NOTCH3: variants seen among roughly 807,000 people sequenced by gnomAD.
NOTCH3 encodes the protein neurogenic locus notch homolog protein 3.
A neutral mutation model predicts 213.3 loss-of-function variants in NOTCH3; 86 were observed. The ratio of observed to expected loss-of-function variants is 0.40; its 90% CI spans 0.34 to 0.48. The LOEUF is 0.48. Ranked by LOEUF, NOTCH3 falls within the 20% of genes least tolerant of loss-of-function variation. NOTCH3 has a pLI of 0.57. For missense variants in NOTCH3, 2,783 were observed against 3,272.6 expected (o/e 0.85, Z 3.65); for synonymous variants, 1,354 against 1,355.9 (o/e 1.00, Z 0.03).
chr19:15,191,426 G>C lies in NOTCH3; in HGVS notation c.1034C>G (p.Thr345Ser). The change falls in exon 6 of 33, where the codon ACT (threonine) becomes AGT (serine). Residue 345 changes from threonine (T) to serine (S), a missense_variant and splice_region_variant. Thr to Ser is a moderately conservative substitution (Grantham distance 58). Coordinates refer to ENST00000263388, the MANE Select transcript of NOTCH3 (RefSeq NM_000435.3). Reference sequence around the variant, plus strand: ...CTGCAGAGAAAACGGCCACTCACCAGTCTTGCCCATGGGGCAGGCACAGTA... The same window carrying C: ...CTGCAGAGAAAACGGCCACTCACCACTCTTGCCCATGGGGCAGGCACAGTA... ...SFYCACPMGKTGLLCHLDDAC... is the reference protein window; with the variant it reads ...SFYCACPMGKSGLLCHLDDAC... 6.2e-7 allele frequency: 1 copy of C among 1,612,926 alleles called. No homozygotes were observed. Among genetic ancestry groups the C allele is most frequent in the South Asian group, 1.1e-5 (1 of 91,060 alleles).
Position 15,161,598 on chromosome 19 carries a change from G to T in NOTCH3, c.6030C>A (p.Asp2010Glu). 6.2e-7 allele frequency: 1 copy of T among 1,612,338 alleles called. No homozygotes were observed. Among genetic ancestry groups the T allele is most frequent in the Non-Finnish European group, 8.5e-7 (1 of 1,179,388 alleles). The change falls in exon 33 of 33, where the codon GAC (aspartate) becomes GAA (glutamate). Residue 2010 changes from aspartate (D) to glutamate (E), a missense_variant. By Grantham distance (45) the Asp-to-Glu change is conservative. This residue lies in a region of NOTCH3 where 441 missense variants were observed against 432.1 expected (regional missense o/e 1.02). Coordinates refer to ENST00000263388, the MANE Select transcript of NOTCH3 (RefSeq NM_000435.3). ...CCTGGTGCAGTCTCTCCTGGGCTAC[G>T]TCCCGCGGCAGCCTGTCCAGGTGGT... is the stretch of plus-strand genomic sequence containing the variant. ...ITDHLDRLPR[D>E]VAQERLHQDI...
rs370422650 is a variant in NOTCH3, at chr19:15,181,630, G to A, written c.2738C>T (p.Pro913Leu). The change falls in exon 17 of 33, where the codon CCG becomes CTG. Residue 913 changes from proline to leucine, a missense_variant. By Grantham distance (98) the Pro-to-Leu change is moderately conservative. This residue lies in a region of NOTCH3 where 861 missense variants were observed against 909.1 expected (regional missense o/e 0.95). Transcript: ENST00000263388. Reference protein sequence around the residue: ...DHVASFTCTCPPGYGGFHCEQ... With the variant: ...DHVASFTCTCLPGYGGFHCEQ... ...GCAGTGGAAGCCTCCGTAGCCTGGC[G>A]GGCAGGTGCAGGTGAAGGAGGCCAC... is the stretch of plus-strand genomic sequence containing the variant. 2.5e-4 allele frequency: 391 copies of A among 1,551,268 alleles called. No individual in the cohort carries two copies. The highest frequency in any genetic ancestry group is 3.0e-4 in the Non-Finnish European group (346 of 1,147,236).
In NOTCH3 at chr19:15,165,440, G is replaced by A. The variant is rs752426825; in HGVS notation, c.5743C>T (p.Arg1915Cys). 2.5e-6 allele frequency: 4 copies of A among 1,612,366 alleles called. No individual in the cohort carries two copies. Among genetic ancestry groups the A allele is most frequent in the South Asian group, 1.1e-5 (1 of 91,082 alleles). The change falls in exon 31 of 33, where the codon CGC becomes TGC. Residue 1915 changes from arginine (R) to cysteine (C), a missense_variant. By Grantham distance (180) the Arg-to-Cys change is radical (BLOSUM62 -3). This residue lies in a region of NOTCH3 where 636 missense variants were observed against 801.8 expected (regional missense o/e 0.79). Coordinates refer to ENST00000263388, the MANE Select transcript of NOTCH3 (RefSeq NM_000435.3). The surrounding 1 kb of genome is among the most constrained non-coding windows in gnomAD (Gnocchi z 4.7). ...TCCACCATGCCCTCTACTGCCAGGC[G>A]GGCCGCCAGGATCAGTGCCGTTGAG... The part of the protein sequence containing the change: ...DGSTALILAA[R>C]LAVEGMVEEL...
chr19:15,191,436 T>C lies in NOTCH3; in HGVS notation c.1024A>G (p.Met342Val), dbSNP rs373870097. Residue 342 changes from methionine to valine, a missense_variant, in exon 6 of 33, where the codon ATG (methionine) becomes GTG (valine). Met to Val is a conservative substitution (Grantham distance 21, BLOSUM62 1). Transcript: ENST00000263388. ...RVASFYCACP[M>V]GKTGLLCHLD... The stretch of plus-strand genomic sequence containing the variant: ...AACGGCCACTCACCAGTCTTGCCCA[T>C]GGGGCAGGCACAGTAGAAAGAAGCC... 9.3e-6 allele frequency: 15 copies of C among 1,613,192 alleles called. No individual in the cohort carries two copies. The highest frequency in any genetic ancestry group is 1.7e-5 in the Admixed American group (1 of 59,992).
rs1555727944 is a variant in NOTCH3, at chr19:15,180,812, C to T, written c.3011G>A (p.Cys1004Tyr). The change falls in exon 19 of 33, where the codon TGC becomes TAC. Residue 1004 changes from cysteine (C) to tyrosine (Y), a missense_variant. Around this residue, in one of 6 missense-constraint regions of NOTCH3, gnomAD observed 861 missense variants for 909.1 expected, o/e 0.95. Coordinates refer to ENST00000263388, the MANE Select transcript of NOTCH3 (RefSeq NM_000435.3). ...CCCGTTTTGACAAGGCTGGCGGCTGCACCAATCCACCAGCGTCTGGAGGGG... is the reference window on the plus strand; with the variant it reads ...CCCGTTTTGACAAGGCTGGCGGCTGTACCAATCCACCAGCGTCTGGAGGGG... ...GPQCQTLVDW[C>Y]SRQPCQNGGR... 6.2e-7 allele frequency: 1 copy of T among 1,611,954 alleles called. No individual in the cohort carries two copies. Among genetic ancestry groups the T allele is most frequent in the Admixed American group, 1.7e-5 (1 of 59,726 alleles).
In NOTCH3 at chr19:15,173,784, G is replaced by GAGA. The variant is rs1245899990; in HGVS notation, c.4736+281_4736+283dup. 1.2e-4 allele frequency among the ~76,000 whole-genome samples: 17 copies of GAGA among 146,638 alleles called. 1 individual carries two copies. Among genetic ancestry groups the GAGA allele is most frequent in the South Asian group, 6.5e-4 (3 of 4,650 alleles). ...GGAGAAGGAGAAGGAGAAGGAGAAG[G>GAGA]AGAAGAAGAAGAAGAAGAAGAAAAA... On this transcript the variant is annotated intron_variant, in intron 25 of 32. Transcript: ENST00000263388.
At chr19:15,175,427 G>C (rs1369351902) in intron 24 of NOTCH3, among the ~76,000 whole-genome samples, 1 of 149,806 alleles carries the variant, frequency 6.7e-6, no homozygotes, top group African/African-American at 2.5e-5. Flanking sequence ...CCAGCTACTC[G>C]GGAAGCTGAG....
intron 31 of NOTCH3, among the ~76,000 whole-genome samples, chr19:15,164,554 T>A (rs8107054): frequency 0.62 from 73,946 of 118,934 alleles, 23,867 homozygotes; most frequent in African/African-American, 0.73. Context: ...AAAAAAAAAT[T>A]AAAAAAAGGG....
Position 15,161,323 on chromosome 19 carries a change from A to G in NOTCH3, c.6305T>C (p.Val2102Ala). The G allele has an allele frequency of 6.6e-7, 1 of 1,525,828 alleles. No individual in the cohort carries two copies. Among genetic ancestry groups the G allele is most frequent in the Non-Finnish European group, 8.8e-7 (1 of 1,138,772 alleles). The allele number at this position is 1,525,828 out of a possible 1,614,324, so 94.5% of individuals were successfully genotyped here. The change falls in exon 33 of 33, where the codon GTG becomes GCG. Residue 2102 changes from valine to alanine, a missense_variant. Val to Ala is a moderately conservative substitution (Grantham distance 64). Around this residue, in one of 6 missense-constraint regions of NOTCH3, gnomAD observed 441 missense variants for 432.1 expected, o/e 1.02. Transcript: ENST00000263388. ...LADSSVTLSPVDSLDSPRPFG... is the reference protein window; with the variant it reads ...LADSSVTLSPADSLDSPRPFG... Reference sequence around the variant, plus strand: ...AGGCCGCGGGGAGTCCAGCGAGTCCACGGGCGACAGCGTGACCGAGCTGTC... The same window carrying G: ...AGGCCGCGGGGAGTCCAGCGAGTCCGCGGGCGACAGCGTGACCGAGCTGTC...
At chr19:15,184,867 G>A (rs1381223265) in intron 15 of NOTCH3, 39 bp downstream of exon 15, 1 of 1,133,800 alleles carries the variant, frequency 8.8e-7, no homozygotes, top group East Asian at 2.6e-5. Flanking sequence ...GGGGGCAGAG[G>A]AGATGGAGAG....
In NOTCH3 at chr19:15,174,096, G is replaced by A. The variant is rs551991530; in HGVS notation, c.4708C>T (p.Arg1570Cys). 1.3e-5 allele frequency: 20 copies of A among 1,590,126 alleles called. No homozygotes were observed. The highest frequency in any genetic ancestry group is 2.7e-5 in the African/African-American group (2 of 74,438). The part of the protein sequence containing the change: ...RPSPGSEPRA[R>C]RELAPEVIGS... ...ATCACCTCGGGGGCCAGCTCCCGAC[G>A]GGCCCGGGGTTCGGAGCCAGGACTA... is the stretch of plus-strand genomic sequence containing the variant. Residue 1570 changes from arginine (R) to cysteine (C), a missense_variant, in exon 25 of 33, where the codon CGT becomes TGT. Arg to Cys is a radical substitution (Grantham distance 180, BLOSUM62 -3). Around this residue, in one of 6 missense-constraint regions of NOTCH3, gnomAD observed 636 missense variants for 801.8 expected, o/e 0.79. Coordinates refer to ENST00000263388, the MANE Select transcript of NOTCH3 (RefSeq NM_000435.3).
chr19:15,197,450 C>CCCCCCCCCCCCCCAA, intron 2 of NOTCH3, 50 bp downstream of exon 2: 1 of 890,776 alleles, frequency 1.1e-6, no homozygotes, highest in Non-Finnish European at 1.9e-6. Context: ...CGCCCCTCCC[C>CCCCCCCCCCCCCCAA]CCCGCCCCCA....
rs1424598209 is a variant in NOTCH3, at chr19:15,187,997, G to A, written c.1493-3C>T. Reference sequence around the variant, plus strand: ...CTGACACGTGGAGCCGCTGAAGCCTGGGGTGGGGAGTGGGATGAGCAGAGG... The same window carrying A: ...CTGACACGTGGAGCCGCTGAAGCCTAGGGTGGGGAGTGGGATGAGCAGAGG... On this transcript the variant is annotated splice_polypyrimidine_tract_variant and splice_region_variant and intron_variant, in intron 9 of 32. Transcript: ENST00000263388. The A allele has an allele frequency of 9.0e-6, 14 of 1,550,156 alleles. No individual in the cohort carries two copies. The highest frequency in any genetic ancestry group is 2.7e-5 in the African/African-American group (2 of 73,042).
Position 15,185,345 on chromosome 19 carries a change from G to T in NOTCH3, c.2208C>A (p.Asp736Glu). 1.2e-6 allele frequency: 2 copies of T among 1,612,560 alleles called. No individual in the cohort carries two copies. The highest frequency in any genetic ancestry group is 2.2e-5 in the East Asian group (1 of 44,840). The change falls in exon 14 of 33, where the codon GAC becomes GAA. Residue 736 changes from aspartate (D) to glutamate (E), a missense_variant. By Grantham distance (45) the Asp-to-Glu change is conservative. Around this residue, in one of 6 missense-constraint regions of NOTCH3, gnomAD observed 861 missense variants for 909.1 expected, o/e 0.95. Transcript: ENST00000263388. The surrounding 1 kb of genome is among the most constrained non-coding windows in gnomAD (Gnocchi z 4.2). The part of the protein sequence containing the change: ...GPRCSQSLAR[D>E]ACESQPCRAG... ...CCCTGCACGGCTGGGACTCACAGGCGTCTCGGGCCAGGCTCTGGCTGCAGC... is the reference window on the plus strand; with the variant it reads ...CCCTGCACGGCTGGGACTCACAGGCTTCTCGGGCCAGGCTCTGGCTGCAGC...
At chr19:15,167,207 A>G in intron 29 of NOTCH3, 42 bp downstream of exon 29, 1 of 1,597,156 alleles carries the variant, frequency 6.3e-7, no homozygotes, top group Non-Finnish European at 8.6e-7. Flanking sequence ...CACAGGTAGG[A>G]TGGGTGAGGG....
chr19:15,169,008 G>C (rs113697518), intron 28 of NOTCH3, among the ~76,000 whole-genome samples: 1,984 of 152,070 alleles, frequency 0.013, 17 homozygotes, highest in Non-Finnish European at 0.019. Context: ...CCAACTCCTG[G>C]ACTCAAGTGA....
chr19:15,188,126 T>C (rs935779524), intron 9 of NOTCH3, 109 bp downstream of exon 9: 102 of 1,054,960 alleles, frequency 9.7e-5, no homozygotes, highest in Non-Finnish European at 1.4e-4. Context: ...TCATAACATA[T>C]GGTTTCTATT....
chr19:15,166,676 G>A (rs1223521786), intron 29 of NOTCH3, among the ~76,000 whole-genome samples: 2 of 152,148 alleles, frequency 1.3e-5, no homozygotes, highest in Non-Finnish European at 2.9e-5. Flanking sequence ...GGATCTAAGA[G>A]GATCAAACAA....
chr19:15,169,974 T>C lies in NOTCH3; in HGVS notation c.5199+112A>G, dbSNP rs555598758. The C allele has an allele frequency of 1.4e-4, 97 of 673,464 alleles. 3 individuals carry two copies. In the South Asian group the frequency reaches 1.5e-3, roughly 10 times the overall value. The allele number at this position is 673,464 out of a possible 1,614,324, so 41.7% of individuals were successfully genotyped here. A position where few individuals can be genotyped will look rare whatever the true frequency, so the allele number is the denominator to read the frequency against. On this transcript the variant is annotated intron_variant, in intron 28 of 32. Transcript: ENST00000263388. ...GGACTATTCTCTGGAGCTAGGGAGGTGGGGACAGCGGTGCCATCCCCTGAT... is the reference window on the plus strand; with the variant it reads ...GGACTATTCTCTGGAGCTAGGGAGGCGGGGACAGCGGTGCCATCCCCTGAT...
Sources: gnomAD v4.1 joint callset for allele counts (sites outside exome capture counted in the v4.1 genomes callset) on GRCh38, gnomAD v4.1.1 for gene constraint, gnomAD v4.1.1 regional missense constraint, Gnocchi (gnomAD v3.1) non-coding constraint, MANE v1.5 for transcripts, NCBI Gene and HGNC (gene_info 2026-07-23, HGNC 2026-07-21) for gene names.